Variants in CHST15 observed in about 807,000 individuals in gnomAD.
CHST15 encodes the protein B cell RAG associated protein (GALNAC4S-6ST).
In CHST15, 30 loss-of-function variants were observed where a neutral mutation model predicts 53.6. The observed-to-expected ratio is 0.56, with a 90% confidence interval of 0.42 to 0.76. The LOEUF is 0.76. Among genes scored for constraint, CHST15 ranks in the 30% least tolerant of loss-of-function variants. CHST15 has a pLI of 0.00. For synonymous variants in CHST15, 296 were observed against 289.8 expected (o/e 1.02, Z -0.22); for missense variants, 627 against 740.5 (o/e 0.85, Z 1.78).
At chr10:124,010,716 C>G in intron 7 of CHST15, 1 of 985,452 alleles carries the variant, frequency 1.0e-6, no homozygotes, top group Non-Finnish European at 1.2e-6. Context: ...GCACAGCCCA[C>G]GGGTTTCGGT....
chr10:124,077,323 T>C (rs899563299), intron 1 of CHST15, among the ~76,000 whole-genome samples: 2 of 152,222 alleles, frequency 1.3e-5, no homozygotes, highest in Non-Finnish European at 2.9e-5. Context: ...TGAGCCTGTT[T>C]ATCATAAGTC....
Position 124,012,355 on chromosome 10 carries a change from C to G in CHST15, c.1473G>C (p.Lys491Asn), listed in dbSNP as rs61751898. Residue 491 changes from lysine (K) to asparagine (N), a missense_variant, in exon 7 of 8, where the codon AAG becomes AAC. Lys to Asn is a moderately conservative substitution (Grantham distance 94). Around this residue, in one of 3 missense-constraint regions of CHST15, gnomAD observed 279 missense variants for 371.6 expected, o/e 0.75. Coordinates refer to ENST00000435907, the MANE Select transcript of CHST15 (RefSeq NM_001270764.2). ...HASNVKYTMH[K>N]VFQFLNLGPL... ...TACCTAGGTTCAGAAACTGGAAGAC[C>G]TTGTGCATGGTGTACTTGACGTTGG... The G allele has an allele frequency of 6.2e-7, 1 of 1,613,940 alleles. No individual in the cohort carries two copies. Among genetic ancestry groups the G allele is most frequent in the African/African-American group, 1.3e-5 (1 of 74,890 alleles).
intron 2 of CHST15, among the ~76,000 whole-genome samples, chr10:124,045,135 A>AAAAC (rs1564882366): frequency 6.7e-6 from 1 of 148,370 alleles, no homozygotes; most frequent in Admixed American, 6.8e-5. Flanking sequence ...AAAAAAAAAA[A>AAAAC]AAAAAAAAAC....
At chr10:124,086,207 A>G (rs1477751968) in intron 1 of CHST15, among the ~76,000 whole-genome samples, 1 of 152,246 alleles carries the variant, frequency 6.6e-6, no homozygotes, top group Non-Finnish European at 1.5e-5. Context: ...TACAGCAGAC[A>G]ACAACACCGA....
intron 1 of CHST15, among the ~76,000 whole-genome samples, chr10:124,091,884 C>A (rs1175244701): frequency 6.6e-6 from 1 of 152,214 alleles, no homozygotes; most frequent in Non-Finnish European, 1.5e-5. Context: ...CTCCTCTATA[C>A]CCGCCGTCCC....
At chr10:124,083,491 A>G (rs1465254480) in intron 1 of CHST15, among the ~76,000 whole-genome samples, 3 of 152,028 alleles carry the variant, frequency 2.0e-5, no homozygotes, top group Admixed American at 6.6e-5. Flanking sequence ...TGAGCAAATG[A>G]TTTTTTCTTT....
At chr10:124,042,265 G>C (rs372346153) in intron 4 of CHST15, 36 bp downstream of exon 4, 8 of 1,579,788 alleles carry the variant, frequency 5.1e-6, no homozygotes, top group Non-Finnish European at 6.9e-6. Flanking sequence ...CCCCAGGGAG[G>C]GTGCTAGCCC....
In CHST15 at chr10:124,013,246, G is replaced by C. The variant is rs115664079; in HGVS notation, c.1348-766C>G. Among the ~76,000 whole-genome samples the C allele has an allele frequency of 7.1e-3, 1,081 of 152,302 alleles. 14 individuals carry two copies. The highest frequency in any genetic ancestry group is 0.025 in the African/African-American group (1,035 of 41,556). ...TAGGCAGGCTAACACTGAGATTGAT[G>C]ATGGGGCCTTGGGCCACATGGTATC... is the stretch of plus-strand genomic sequence containing the variant. On this transcript the variant is annotated intron_variant, in intron 6 of 7. Transcript: ENST00000435907.
rs1488557074 is a variant in CHST15 at position 124,008,265 on chromosome 10, G to A, written c.*1884C>T. 1.5e-5 allele frequency: 18 copies of A among 1,184,806 alleles called. No homozygotes were observed. Among genetic ancestry groups the A allele is most frequent in the Non-Finnish European group, 1.9e-5 (18 of 959,118 alleles). 73.4% of individuals were successfully genotyped at this position (1,184,806 alleles called of 1,614,324 possible). A position where few individuals can be genotyped will look rare whatever the true frequency, so the allele number is the denominator to read the frequency against. On this transcript the variant is annotated 3_prime_UTR_variant, in exon 8 of 8. Transcript: ENST00000435907. ...TGGCAGAGAAATTAATCTATAAAAG[G>A]GTTGTGTCCAGAGCGGAGGAGCCTC... is the stretch of plus-strand genomic sequence containing the variant.
At chr10:124,025,886 T>G (rs186484461) in intron 5 of CHST15, among the ~76,000 whole-genome samples, 1 of 152,128 alleles carries the variant, frequency 6.6e-6, no homozygotes, top group Non-Finnish European at 1.5e-5. Context: ...AGGGGACGGC[T>G]TTTATCCCTT....
At chr10:124,010,536 C>T (rs889980581) in intron 7 of CHST15, 197 bp from the exon 8 acceptor site, 4 of 985,344 alleles carry the variant, frequency 4.1e-6, no homozygotes, top group Non-Finnish European at 4.8e-6. Context: ...CAGGAAATTG[C>T]GAAGAAATTC....
Position 124,058,315 on chromosome 10 carries a change from G to A in CHST15, c.-512-11591C>T, listed in dbSNP as rs192086415. 3.3e-5 allele frequency among the ~76,000 whole-genome samples: 5 copies of A among 152,328 alleles called. No homozygotes were observed. The East Asian group carries it at 9.6e-4, about 29-fold the overall frequency. ...TTTAGGGTTGGCGGCAAAAGAAGAA[G>A]GAAATGCCTGATAGTCCAGTGTCTG... On this transcript the variant is annotated intron_variant, in intron 1 of 7. Transcript: ENST00000435907.
At chr10:124,020,702 G>T in intron 6 of CHST15, 1 of 997,888 alleles carries the variant, frequency 1.0e-6, no homozygotes. Flanking sequence ...AAACTATCCC[G>T]GGGCTAAAAG....
At position 124,009,823 on chromosome 10, in the gene CHST15, G is replaced by A. The variant is rs1946362315; in HGVS notation, c.*326C>T. 6 of 1,098,008 alleles carry A rather than the reference G, an allele frequency of 5.5e-6. No homozygotes were observed. The South Asian group carries it at 1.4e-4, about 25-fold the overall frequency. The allele number at this position is 1,098,008 out of a possible 1,614,324, so 68.0% of individuals were successfully genotyped here. On this transcript the variant is annotated 3_prime_UTR_variant, in exon 8 of 8. Transcript: ENST00000435907. Reference sequence around the variant, plus strand: ...AGAAGGCGGAGGCGGGCAGGGCCAGGCTGCCTTCCCTAGGTGTTCTCTCCA... The same window carrying A: ...AGAAGGCGGAGGCGGGCAGGGCCAGACTGCCTTCCCTAGGTGTTCTCTCCA...
intron 1 of CHST15, among the ~76,000 whole-genome samples, chr10:124,075,030 G>A (rs2134178837): frequency 6.6e-6 from 1 of 152,262 alleles, no homozygotes; most frequent in South Asian, 2.1e-4. Flanking sequence ...ATACTTCTAA[G>A]CCAGACTTAT....
At chr10:124,012,709 C>A (rs924431479) in intron 6 of CHST15, among the ~76,000 whole-genome samples, 2 of 152,170 alleles carry the variant, frequency 1.3e-5, no homozygotes, top group Non-Finnish European at 2.9e-5. Context: ...CTCACAACAC[C>A]CTGTGGGTAG....
intron 6 of CHST15, among the ~76,000 whole-genome samples, chr10:124,013,202 G>A (rs557497985): frequency 9.8e-5 from 15 of 152,306 alleles, no homozygotes; most frequent in Non-Finnish European, 1.9e-4. Context: ...TGTCTTGGTT[G>A]GCCTGAGGGC....
intron 5 of CHST15, among the ~76,000 whole-genome samples, chr10:124,028,129 GT>G (rs1353124466): frequency 6.6e-6 from 1 of 152,204 alleles, no homozygotes; most frequent in Non-Finnish European, 1.5e-5. Context: ...CAATGCCACG[GT>G]CGGGAACAGC....
chr10:124,018,623 G>A (rs573364792), intron 6 of CHST15, among the ~76,000 whole-genome samples: 1 of 152,342 alleles, frequency 6.6e-6, no homozygotes, highest in East Asian at 1.9e-4. Context: ...GGGACAGGGA[G>A]GCAAGAATGG....
Sources: gnomAD v4.1 joint callset for allele counts (sites outside exome capture counted in the v4.1 genomes callset) on GRCh38, gnomAD v4.1.1 for gene constraint, gnomAD v4.1.1 regional missense constraint, MANE v1.5 for transcripts, NCBI Gene and HGNC (gene_info 2026-07-23, HGNC 2026-07-21) for gene names.